Variants in SHQ1 observed in about 807,000 individuals in gnomAD.
SHQ1 encodes protein SHQ1 homolog.
SHQ1 carries 49 observed loss-of-function variants against 53.8 expected under a neutral mutation model. The ratio of observed to expected loss-of-function variants is 0.91; its 90% CI spans 0.72 to 1.16. The LOEUF is 1.16. Ranked by LOEUF, SHQ1 falls within the 50% of genes most tolerant of loss-of-function variation. The pLI is 0.00. For missense variants in SHQ1, 738 were observed against 683.1 expected (o/e 1.08, Z -0.90); for synonymous variants, 243 against 251.0 (o/e 0.97, Z 0.30).
chr3:72,832,477 T>G lies in SHQ1; in HGVS notation c.491A>C (p.Glu164Ala). ...RSGVLQRLQDELSDVIDIKDP... is the reference protein window; with the variant it reads ...RSGVLQRLQDALSDVIDIKDP... The stretch of plus-strand genomic sequence containing the variant: ...CTTAATATCAATAACATCACTCAGT[T>G]CATCCTGAGGACACCCAGAAAAGAA... The change falls in exon 5 of 11, where the codon GAA becomes GCA. Residue 164 changes from glutamate (E) to alanine (A), a missense_variant. By Grantham distance (107) the Glu-to-Ala change is moderately radical. Transcript: ENST00000325599. The G allele has an allele frequency of 6.2e-7, 1 of 1,603,244 alleles. No homozygotes were observed. The highest frequency in any genetic ancestry group is 8.5e-7 in the Non-Finnish European group (1 of 1,174,180).
the SHQ1 span, among the ~76,000 whole-genome samples, chr3:72,741,287 CAGA>C: frequency 6.6e-6 from 1 of 152,104 alleles, no homozygotes; most frequent in Non-Finnish European, 1.5e-5. Context: ...TCTGTGGCTA[CAGA>C]AGGAGTGAGA....
At chr3:72,740,583 T>C in the SHQ1 span, among the ~76,000 whole-genome samples, 5 of 152,312 alleles carry the variant, frequency 3.3e-5, no homozygotes, top group East Asian at 1.9e-4. Flanking sequence ...GAAAGGCCTC[T>C]GATTTGATCA....
chr3:72,760,487 G>C (rs1218471808), intron 10 of SHQ1, among the ~76,000 whole-genome samples: 1 of 152,176 alleles, frequency 6.6e-6, no homozygotes, highest in African/African-American at 2.4e-5. Flanking sequence ...GAGCACAGAA[G>C]TCATCTACTC....
the SHQ1 span, among the ~76,000 whole-genome samples, chr3:72,735,934 C>T: frequency 1.3e-5 from 2 of 151,964 alleles, no homozygotes; most frequent in African/African-American, 4.8e-5. Context: ...TCCATGTCTG[C>T]TTTCTGGTAT....
chr3:72,826,483 C>T (rs77506503), intron 5 of SHQ1, among the ~76,000 whole-genome samples: 11,115 of 152,290 alleles, frequency 0.073, 593 homozygotes, highest in Middle Eastern at 0.18. Context: ...TGACATTGTC[C>T]CATGTTCCAT....
chr3:72,743,006 C>A, the SHQ1 span, among the ~76,000 whole-genome samples: 4 of 152,134 alleles, frequency 2.6e-5, no homozygotes, highest in Non-Finnish European at 4.4e-5. Context: ...TATCCTTCTA[C>A]TTTTTGGCAT....
intron 5 of SHQ1, among the ~76,000 whole-genome samples, chr3:72,826,983 C>A (rs577381266): frequency 6.6e-6 from 1 of 152,088 alleles, no homozygotes; most frequent in South Asian, 2.1e-4. Flanking sequence ...AAGGGAGAAA[C>A]CTGGAGAAGC....
intron 1 of SHQ1, chr3:72,846,414 G>C (rs1165962186): frequency 1.9e-6 from 2 of 1,033,548 alleles, no homozygotes; most frequent in African/African-American, 3.3e-5. Context: ...CTCACCTCAA[G>C]CTTCCCAAGT....
intron 1 of SHQ1, among the ~76,000 whole-genome samples, chr3:72,845,492 AAAAAAAG>A (rs982636855): frequency 6.6e-6 from 1 of 151,122 alleles, no homozygotes; most frequent in Non-Finnish European, 1.5e-5. Context: ...GTCCAAAAAA[AAAAAAAG>A]AAAAAAGAAA....
At position 72,750,605 on chromosome 3, in the gene SHQ1, T is replaced by G. The variant is rs1461776945; in HGVS notation, c.1413A>C (p.Ser471=). 1 of 1,614,242 alleles carries G rather than the reference T, an allele frequency of 6.2e-7. No homozygotes were observed. Among genetic ancestry groups the G allele is most frequent in the Non-Finnish European group, 8.5e-7 (1 of 1,180,036 alleles). ...GTTCATCTTGTTCTGAATCTGAGCCTGAGTCTTCGTTTCCAGATGACACGC... is the reference window on the plus strand; with the variant it reads ...GTTCATCTTGTTCTGAATCTGAGCCGGAGTCTTCGTTTCCAGATGACACGC... ...DSSVSSGNED[S]GSDSEQDELK... The change falls in exon 11 of 11, where the codon TCA becomes TCC. Residue 471 remains serine (S), a synonymous_variant. Coordinates refer to ENST00000325599, the MANE Select transcript of SHQ1 (RefSeq NM_018130.3).
chr3:72,730,312 A>C, the SHQ1 span, among the ~76,000 whole-genome samples: 1 of 152,004 alleles, frequency 6.6e-6, no homozygotes, highest in African/African-American at 2.4e-5. Context: ...ATGGGGTATC[A>C]CTATGTTGTG....
intron 10 of SHQ1, among the ~76,000 whole-genome samples, chr3:72,790,973 C>T (rs1482234489): frequency 2.0e-5 from 3 of 152,100 alleles, no homozygotes; most frequent in Non-Finnish European, 4.4e-5. Flanking sequence ...ACTTCATTTC[C>T]CACAACATAA....
rs1024764185 is a variant in SHQ1 at position 72,783,364 on chromosome 3, T to C, written c.1181+9552A>G. Among the ~76,000 whole-genome samples, 45 of 56,702 alleles carry C rather than the reference T, an allele frequency of 7.9e-4. 1 individual carries two copies. The highest frequency in any genetic ancestry group is 6.7e-3 in the East Asian group (32 of 4,788). The allele number at this position is 56,702 out of a possible 152,430, so 37.2% of individuals were successfully genotyped here. On this transcript the variant is annotated intron_variant, in intron 10 of 10. Transcript: ENST00000325599. Reference sequence around the variant, plus strand: ...CCTTGCCCAATTTATTTTTATACACTTTTTTTTTTTTTTTTTTTGAGATGG... The same window carrying C: ...CCTTGCCCAATTTATTTTTATACACCTTTTTTTTTTTTTTTTTTGAGATGG...
chr3:72,821,280 G>A lies in SHQ1; in HGVS notation c.727+3144C>T, dbSNP rs576762608. On this transcript the variant is annotated intron_variant, in intron 6 of 10. Coordinates refer to ENST00000325599, the MANE Select transcript of SHQ1 (RefSeq NM_018130.3). ...GAAGTTCATTGACTATAAATGTTAC[G>A]TGGTGTCATAACAAGCAATAACGTG... 1.2e-4 allele frequency among the ~76,000 whole-genome samples: 19 copies of A among 152,312 alleles called. 1 individual carries two copies. The South Asian group carries it at 2.1e-3, about 17-fold the overall frequency.
intron 10 of SHQ1, among the ~76,000 whole-genome samples, chr3:72,774,554 G>A (rs1209563342): frequency 1.3e-5 from 2 of 152,032 alleles, no homozygotes; most frequent in African/African-American, 4.8e-5. Context: ...TGCTTGGAAA[G>A]GAGAAAAATA....
chr3:72,798,565 TA>T (rs1465122237), intron 9 of SHQ1, among the ~76,000 whole-genome samples: 1 of 152,204 alleles, frequency 6.6e-6, no homozygotes, highest in Non-Finnish European at 1.5e-5. Flanking sequence ...AAAGGGAAGG[TA>T]AACTAAGAAC....
chr3:72,735,241 C>T, the SHQ1 span, among the ~76,000 whole-genome samples: 1 of 151,516 alleles, frequency 6.6e-6, no homozygotes, highest in Non-Finnish European at 1.5e-5. Flanking sequence ...CTTTAAAACA[C>T]CTACCATTTG....
the SHQ1 span, among the ~76,000 whole-genome samples, chr3:72,742,348 G>A: frequency 4.0e-5 from 6 of 151,874 alleles, no homozygotes; most frequent in South Asian, 2.1e-4. Context: ...GAAAATCCTC[G>A]CTAATCAGAT....
At chr3:72,771,285 AAC>A (rs1327416664) in intron 10 of SHQ1, among the ~76,000 whole-genome samples, 1 of 152,338 alleles carries the variant, frequency 6.6e-6, no homozygotes, top group African/African-American at 2.4e-5. Context: ...CAAGTTTATA[AAC>A]AGTGTTACAA....
Sources: allele counts gnomAD v4.1 joint callset (sites outside exome capture counted in the v4.1 genomes callset), GRCh38; gene constraint gnomAD v4.1.1; transcripts MANE v1.5; gene names NCBI Gene and HGNC (gene_info 2026-07-23, HGNC 2026-07-21).